The following PLXNA4 variants were observed in gnomAD, a reference collection of about 807,000 sequenced individuals.
The protein encoded by PLXNA4 is plexin-A4.
Under a neutral mutation model 191.8 loss-of-function variants are expected in PLXNA4, and 44 were observed. That is an observed-to-expected ratio of 0.23 (90% CI 0.18 to 0.29). The LOEUF is 0.29. Ranked by LOEUF, PLXNA4 falls within the 10% of genes least tolerant of loss-of-function variation. PLXNA4 has a pLI of 1.00. For missense variants in PLXNA4, 1,800 were observed against 2,488.8 expected, an observed-to-expected ratio of 0.72 and a Z score of 5.89; for synonymous variants, 1,082 against 1,009.5, an observed-to-expected ratio of 1.07 and a Z score of -1.36.
At chr7:132,322,043 T>C (rs1054806863) in intron 3 of PLXNA4, among the ~76,000 whole-genome samples, 1 of 151,906 alleles carries the variant, frequency 6.6e-6, no homozygotes, top group Non-Finnish European at 1.5e-5. Context: ...AAAATAAACA[T>C]GGTAAGTGAA....
chr7:132,338,451 C>A (rs1441877990), intron 3 of PLXNA4, among the ~76,000 whole-genome samples: 1 of 152,230 alleles, frequency 6.6e-6, no homozygotes, highest in Non-Finnish European at 1.5e-5. Flanking sequence ...TTGTCAAAGC[C>A]AGCCAACTAT....
intron 3 of PLXNA4, among the ~76,000 whole-genome samples, chr7:132,445,989 C>G (rs1016107611): frequency 5.9e-5 from 9 of 152,206 alleles, no homozygotes; most frequent in Non-Finnish European, 8.8e-5. Context: ...TGATGTCTCC[C>G]TGGTAGGCTT....
At chr7:132,157,496 GC>G (rs1430566543) in intron 25 of PLXNA4, among the ~76,000 whole-genome samples, 1 of 152,210 alleles carries the variant, frequency 6.6e-6, no homozygotes, top group Non-Finnish European at 1.5e-5. Context: ...CCTTCTGTGA[GC>G]CCCTCCATGG....
intron 4 of PLXNA4, among the ~76,000 whole-genome samples, chr7:132,285,166 T>C (rs1478110035): frequency 6.6e-6 from 1 of 152,234 alleles, no homozygotes; most frequent in Non-Finnish European, 1.5e-5. Context: ...TATTTATTCA[T>C]TATAACCACC....
intron 4 of PLXNA4, among the ~76,000 whole-genome samples, chr7:132,277,965 G>A (rs1239781580): frequency 6.6e-6 from 1 of 152,202 alleles, no homozygotes; most frequent in African/African-American, 2.4e-5. Context: ...GATTGGGAAT[G>A]TCGCTTGCCA....
intron 3 of PLXNA4, among the ~76,000 whole-genome samples, chr7:132,463,791 C>G (rs1385990707): frequency 1.3e-5 from 2 of 152,234 alleles, no homozygotes; most frequent in Non-Finnish European, 2.9e-5. Flanking sequence ...CCACCCCTCA[C>G]AAGGGCTTCC....
In PLXNA4 at chr7:132,519,135, C is replaced by G. The variant is rs78466038; in HGVS notation, c.-86-10356G>C. On this transcript the variant is annotated intron_variant, in intron 1 of 31. Coordinates refer to ENST00000321063, the MANE Select transcript of PLXNA4 (RefSeq NM_020911.2). ...ATCCTGGCTTGGGGAGGATAGAATC[C>G]TAAACTTCTTTCCAGCATCTCACTT... 6.9e-3 allele frequency among the ~76,000 whole-genome samples: 1,052 copies of G among 152,316 alleles called. 6 individuals are homozygous for G. The highest frequency in any genetic ancestry group is 0.024 in the African/African-American group (1,004 of 41,564).
At chr7:132,593,556 G>A (rs1367330243) in intron 2 of PLXNA4, among the ~76,000 whole-genome samples, 1 of 152,154 alleles carries the variant, frequency 6.6e-6, no homozygotes, top group East Asian at 1.9e-4. Context: ...TCAGGAGAAG[G>A]CCCCATGAGG....
intron 2 of PLXNA4, among the ~76,000 whole-genome samples, chr7:132,610,146 A>C (rs145183930): frequency 6.8e-4 from 103 of 152,336 alleles, no homozygotes; most frequent in African/African-American, 2.1e-3. Context: ...GAACACTTCC[A>C]AGAACCCGAG....
chr7:132,556,494 T>C (rs921812182), intron 1 of PLXNA4, among the ~76,000 whole-genome samples: 1 of 152,240 alleles, frequency 6.6e-6, no homozygotes, highest in Non-Finnish European at 1.5e-5. Context: ...AGAAGGCCCA[T>C]AGCTCTCACC....
rs114540712 is a variant in PLXNA4, at chr7:132,131,303, G to C, written c.5590-729C>G. Among the ~76,000 whole-genome samples the C allele has an allele frequency of 5.2e-3, 784 of 152,202 alleles. 8 individuals carry two copies. Among genetic ancestry groups the C allele is most frequent in the African/African-American group, 0.018 (728 of 41,518 alleles). Reference sequence around the variant, plus strand: ...GGAGTAAAGGCTCTGCCAGTTTCTAGCTTGGTGATCTGAGGCCAAACAGGT... The same window carrying C: ...GGAGTAAAGGCTCTGCCAGTTTCTACCTTGGTGATCTGAGGCCAAACAGGT... On this transcript the variant is annotated intron_variant, in intron 31 of 31. Coordinates refer to ENST00000321063, the MANE Select transcript of PLXNA4 (RefSeq NM_020911.2).
intron 2 of PLXNA4, among the ~76,000 whole-genome samples, chr7:132,492,326 C>G (rs1333816236): frequency 6.6e-6 from 1 of 152,144 alleles, no homozygotes; most frequent in African/African-American, 2.4e-5. Flanking sequence ...TTCCCCTTGG[C>G]TGGGCACGAC....
intron 4 of PLXNA4, among the ~76,000 whole-genome samples, chr7:132,268,022 G>T (rs940129383): frequency 6.6e-6 from 1 of 152,160 alleles, no homozygotes. Context: ...GAATATCACT[G>T]CTTTCTAATA....
intron 4 of PLXNA4, among the ~76,000 whole-genome samples, chr7:132,295,689 C>T (rs1444662716): frequency 6.6e-6 from 1 of 152,160 alleles, no homozygotes; most frequent in Non-Finnish European, 1.5e-5. Flanking sequence ...CCCTTGGCCT[C>T]ACCTGGGCTG....
chr7:132,223,770 G>A (rs1417777825), intron 8 of PLXNA4, 129 bp from the exon 9 acceptor site: 2 of 694,746 alleles, frequency 2.9e-6, no homozygotes, highest in Non-Finnish European at 5.1e-6. Flanking sequence ...TGCAGGAAGG[G>A]CAGATCTTAT....
intron 29 of PLXNA4, among the ~76,000 whole-genome samples, chr7:132,142,974 G>T (rs555269933): frequency 3.3e-5 from 5 of 152,306 alleles, no homozygotes; most frequent in African/African-American, 9.6e-5. Flanking sequence ...CCCACCTGAG[G>T]TTCCCGCCTA....
chr7:132,282,442 G>T (rs1346356706), intron 4 of PLXNA4, among the ~76,000 whole-genome samples: 1 of 151,258 alleles, frequency 6.6e-6, no homozygotes, highest in Admixed American at 6.6e-5. Context: ...GCATGGTGAT[G>T]CCCTGAGACT....
chr7:132,155,052 C>T (rs1280718155), intron 25 of PLXNA4, among the ~76,000 whole-genome samples: 1 of 152,184 alleles, frequency 6.6e-6, no homozygotes. Context: ...CTTTTTATTG[C>T]CTACAGGAAT....
chr7:132,159,035 A>T (rs1248984460), intron 25 of PLXNA4, among the ~76,000 whole-genome samples: 1 of 152,216 alleles, frequency 6.6e-6, no homozygotes, highest in East Asian at 1.9e-4. Flanking sequence ...AGCAAAAATT[A>T]TAGGCATGGA....
Sources: allele counts gnomAD v4.1 joint callset (sites outside exome capture counted in the v4.1 genomes callset), GRCh38; gene constraint gnomAD v4.1.1; transcripts MANE v1.5; gene names NCBI Gene and HGNC (gene_info 2026-07-23, HGNC 2026-07-21).